Variants in GABBR2 observed in about 807,000 individuals in gnomAD.
GABBR2 encodes the protein G-protein coupled receptor 51.
A neutral mutation model predicts 105.6 loss-of-function variants in GABBR2; 23 were observed. The ratio of observed to expected loss-of-function variants is 0.22; its 90% CI spans 0.16 to 0.31. GABBR2 has a LOEUF of 0.31. Ranked by LOEUF, GABBR2 falls within the 10% of genes least tolerant of loss-of-function variation. The probability of loss-of-function intolerance (pLI) is 1.00; values close to 1 mark genes in which losing one functional copy is unlikely to be tolerated. For missense variants in GABBR2, 734 were observed against 1,245.5 expected (o/e 0.59, Z 6.18); for synonymous variants, 478 against 499.7 (o/e 0.96, Z 0.58).
chr9:98,497,977 C>G (rs1827317424), intron 3 of GABBR2, among the ~76,000 whole-genome samples: 1 of 152,174 alleles, frequency 6.6e-6, no homozygotes, highest in Non-Finnish European at 1.5e-5. Context: ...GCAGAAGCAG[C>G]CCAAACGTTC....
At chr9:98,535,867 G>A (rs941557877) in intron 3 of GABBR2, among the ~76,000 whole-genome samples, 1 of 152,188 alleles carries the variant, frequency 6.6e-6, no homozygotes, top group Non-Finnish European at 1.5e-5. Context: ...AGGACTTTTA[G>A]GGTGGTGAAA....
At chr9:98,542,239 GGAA>G (rs1828318762) in intron 2 of GABBR2, among the ~76,000 whole-genome samples, 196 bp from the exon 3 acceptor site, 1 of 152,048 alleles carries the variant, frequency 6.6e-6, no homozygotes. Flanking sequence ...AAAATAAGGA[GGAA>G]GAAGGGAAAA....
At chr9:98,364,080 G>A (rs1217823301) in intron 12 of GABBR2, among the ~76,000 whole-genome samples, 1 of 152,112 alleles carries the variant, frequency 6.6e-6, no homozygotes, top group Admixed American at 6.5e-5. Flanking sequence ...AGAACACGAG[G>A]AAAGTGTGGG....
intron 4 of GABBR2, among the ~76,000 whole-genome samples, chr9:98,487,111 T>C (rs897830430): frequency 2.0e-5 from 3 of 152,220 alleles, no homozygotes; most frequent in Non-Finnish European, 4.4e-5. Context: ...AATTCATGTA[T>C]ATTTAACACT....
Position 98,386,286 on chromosome 9 carries a change from C to T in GABBR2, c.1530-514G>A, listed in dbSNP as rs140858014. On this transcript the variant is annotated intron_variant, in intron 10 of 18. Coordinates refer to ENST00000259455, the MANE Select transcript of GABBR2 (RefSeq NM_005458.8). ...AGAATGTGACATGTAACTTCAGCCA[C>T]GTTCCCCACAGTGAGGAGAAAGTCC... Among the ~76,000 whole-genome samples the T allele has an allele frequency of 8.6e-4, 129 of 150,646 alleles. 1 individual carries two copies. The highest frequency in any genetic ancestry group is 2.9e-3 in the African/African-American group (120 of 40,818).
intron 2 of GABBR2, among the ~76,000 whole-genome samples, chr9:98,543,793 TTATGA>T (rs1314097662): frequency 1.3e-5 from 2 of 152,214 alleles, no homozygotes; most frequent in African/African-American, 4.8e-5. Flanking sequence ...AATTAGCCCT[TTATGA>T]TATAAGTTGC....
intron 1 of GABBR2, among the ~76,000 whole-genome samples, chr9:98,586,528 G>A (rs1208944069): frequency 6.6e-6 from 1 of 152,168 alleles, no homozygotes; most frequent in East Asian, 1.9e-4. Context: ...TTGAACTCCT[G>A]ACCTCAAGTG....
chr9:98,679,265 T>C (rs559905718), intron 1 of GABBR2, among the ~76,000 whole-genome samples: 18 of 152,334 alleles, frequency 1.2e-4, no homozygotes, highest in African/African-American at 4.3e-4. Flanking sequence ...GCATACAATA[T>C]GACTGTCTTC....
intron 1 of GABBR2, among the ~76,000 whole-genome samples, chr9:98,613,540 G>C (rs758311516): frequency 1.3e-5 from 2 of 152,096 alleles, no homozygotes; most frequent in African/African-American, 4.8e-5. Context: ...ATAAAAGCGA[G>C]AGGAAGCCTG....
Position 98,388,717 on chromosome 9 carries a change from C to T in GABBR2, c.1529+137G>A, listed in dbSNP as rs150903392. ...TGTAACACCTACAACATCCTAGCAACGGAGGAACACTTTGGGAAACTCTGC... is the reference window on the plus strand; with the variant it reads ...TGTAACACCTACAACATCCTAGCAATGGAGGAACACTTTGGGAAACTCTGC... On this transcript the variant is annotated intron_variant, in intron 10 of 18. Transcript: ENST00000259455. This position sits in a 1 kb window ranked among gnomAD's most constrained non-coding sequence, Gnocchi z 4.4. The T allele has an allele frequency of 2.3e-3, 1,429 of 620,908 alleles. 18 individuals are homozygous for T. Among genetic ancestry groups the T allele is most frequent in the African/African-American group, 0.022 (1,184 of 54,318 alleles). The allele number at this position is 620,908 out of a possible 1,614,324, so 38.5% of individuals were successfully genotyped here. A position where few individuals can be genotyped will look rare whatever the true frequency, so the allele number is the denominator to read the frequency against.
intron 3 of GABBR2, among the ~76,000 whole-genome samples, chr9:98,540,775 A>T (rs1828279514): frequency 6.6e-6 from 1 of 152,248 alleles, no homozygotes; most frequent in South Asian, 2.1e-4. Context: ...TATCAAAAGC[A>T]CACATGGGAA....
intron 6 of GABBR2, among the ~76,000 whole-genome samples, chr9:98,462,018 A>T (rs1452846090): frequency 1.3e-5 from 2 of 152,216 alleles, no homozygotes; most frequent in Non-Finnish European, 2.9e-5. Context: ...TACCTCCAAC[A>T]TTGGGAATTA....
At chr9:98,410,551 G>A (rs1325684698) in intron 7 of GABBR2, among the ~76,000 whole-genome samples, 1 of 149,880 alleles carries the variant, frequency 6.7e-6, no homozygotes, top group African/African-American at 2.5e-5. Flanking sequence ...TGCAGCAAGG[G>A]GAGCTACGAG....
chr9:98,627,762 T>G (rs768469743), intron 1 of GABBR2, among the ~76,000 whole-genome samples: 30 of 152,160 alleles, frequency 2.0e-4, no homozygotes, highest in Non-Finnish European at 4.0e-4. Context: ...GCTCAGTCAA[T>G]GACAAAAGGC....
intron 1 of GABBR2, among the ~76,000 whole-genome samples, chr9:98,707,832 G>A (rs887875339): frequency 2.0e-5 from 3 of 152,232 alleles, no homozygotes; most frequent in African/African-American, 7.2e-5. Context: ...CTGCAGAGCC[G>A]GTGGCCCCAC....
At chr9:98,378,260 C>T (rs1831912116) in intron 11 of GABBR2, among the ~76,000 whole-genome samples, 1 of 152,210 alleles carries the variant, frequency 6.6e-6, no homozygotes, top group African/African-American at 2.4e-5. Flanking sequence ...ACTCCCCAGT[C>T]CAGTGTCTGG....
intron 7 of GABBR2, among the ~76,000 whole-genome samples, chr9:98,409,696 G>C (rs1832551529): frequency 6.6e-6 from 1 of 152,158 alleles, no homozygotes; most frequent in African/African-American, 2.4e-5. Context: ...AGTGTGAAGG[G>C]TCATGGATCT....
At chr9:98,391,233 C>A (rs1200020969) in intron 9 of GABBR2, among the ~76,000 whole-genome samples, 1 of 152,178 alleles carries the variant, frequency 6.6e-6, no homozygotes, top group Admixed American at 6.5e-5. Context: ...CACTAATAAG[C>A]AATCCTATTT....
chr9:98,413,945 G>A (rs957182719), intron 7 of GABBR2, among the ~76,000 whole-genome samples: 1 of 152,212 alleles, frequency 6.6e-6, no homozygotes, highest in African/African-American at 2.4e-5. Flanking sequence ...GAAAAGTGAA[G>A]TAAATTTTAA....
Sources: allele counts gnomAD v4.1 joint callset (sites outside exome capture counted in the v4.1 genomes callset), GRCh38; gene constraint gnomAD v4.1.1; non-coding constraint Gnocchi (gnomAD v3.1); transcripts MANE v1.5; gene names NCBI Gene and HGNC (gene_info 2026-07-23, HGNC 2026-07-21).